Variants in RNF150 observed in about 807,000 individuals in gnomAD.
RNF150 encodes ring finger protein 150.
A neutral mutation model predicts 39.3 loss-of-function variants in RNF150; 24 were observed. The ratio of observed to expected loss-of-function variants is 0.61; its 90% CI spans 0.44 to 0.86. The LOEUF is 0.86. Ranked by LOEUF, RNF150 falls within the 40% of genes least tolerant of loss-of-function variation. The pLI is 0.00. For synonymous variants in RNF150, 255 were observed against 227.3 expected, an observed-to-expected ratio of 1.12 and a Z score of -1.10; for missense variants, 502 against 587.8, an observed-to-expected ratio of 0.85 and a Z score of 1.51.
chr4:141,071,615 G>A (rs970972203), intron 1 of RNF150, among the ~76,000 whole-genome samples: 36 of 152,190 alleles, frequency 2.4e-4, no homozygotes, highest in Non-Finnish European at 1.6e-4. Flanking sequence ...ATCTAAATAC[G>A]TGGTTTCTGA....
intron 1 of RNF150, among the ~76,000 whole-genome samples, chr4:141,194,954 T>C (rs1728174997): frequency 6.6e-6 from 1 of 152,100 alleles, no homozygotes; most frequent in Admixed American, 6.6e-5. Flanking sequence ...CATGTAAAAG[T>C]TTACAGCACT....
chr4:140,880,010 C>T (rs753477268), intron 6 of RNF150, among the ~76,000 whole-genome samples: 18 of 151,980 alleles, frequency 1.2e-4, no homozygotes, highest in Non-Finnish European at 2.6e-4. Flanking sequence ...TTCCTAATTG[C>T]TCTGACTAGG....
chr4:140,990,910 C>T (rs1203058231), intron 1 of RNF150, among the ~76,000 whole-genome samples: 1 of 152,152 alleles, frequency 6.6e-6, no homozygotes, highest in East Asian at 1.9e-4. Context: ...GGAATCACCA[C>T]ACCGTCTTTC....
intron 1 of RNF150, among the ~76,000 whole-genome samples, chr4:141,104,672 T>C (rs1739138014): frequency 6.6e-6 from 1 of 152,224 alleles, no homozygotes; most frequent in African/African-American, 2.4e-5. Context: ...GGTTGCCATA[T>C]TTAGAGGAGG....
chr4:140,874,597 G>A (rs1296915262), intron 6 of RNF150, among the ~76,000 whole-genome samples: 1 of 152,090 alleles, frequency 6.6e-6, no homozygotes, highest in African/African-American at 2.4e-5. Context: ...TCGCTCTCTC[G>A]CCCAGGCTGG....
chr4:141,156,125 T>A (rs1177860036), intron 1 of RNF150, among the ~76,000 whole-genome samples: 1 of 151,844 alleles, frequency 6.6e-6, no homozygotes, highest in Admixed American at 6.6e-5. Context: ...AACATGGACC[T>A]TCCATCCCAT....
chr4:141,121,833 A>T (rs4956515), intron 1 of RNF150, among the ~76,000 whole-genome samples: 1 of 151,976 alleles, frequency 6.6e-6, no homozygotes, highest in South Asian at 2.1e-4. Context: ...TTCCTTAAAT[A>T]ATTAATAAAG....
intron 6 of RNF150, among the ~76,000 whole-genome samples, chr4:140,891,011 C>T (rs1266536581): frequency 1.3e-5 from 2 of 152,156 alleles, no homozygotes; most frequent in African/African-American, 2.4e-5. Flanking sequence ...TCACTGATCT[C>T]ACTAAAGGTT....
chr4:141,200,706 T>C (rs952653322), intron 1 of RNF150, among the ~76,000 whole-genome samples: 1 of 152,090 alleles, frequency 6.6e-6, no homozygotes, highest in African/African-American at 2.4e-5. Context: ...CAGGCTCTTC[T>C]GCAAAAAAAT....
intron 1 of RNF150, among the ~76,000 whole-genome samples, chr4:140,992,652 C>G (rs990193963): frequency 1.3e-5 from 2 of 152,110 alleles, no homozygotes; most frequent in Admixed American, 6.6e-5. Flanking sequence ...ACAAGGCTTT[C>G]TAACCCTGGC....
intron 4 of RNF150, among the ~76,000 whole-genome samples, chr4:140,933,590 G>A (rs927826975): frequency 6.6e-6 from 1 of 152,186 alleles, no homozygotes; most frequent in Non-Finnish European, 1.5e-5. Flanking sequence ...ATATGTATGG[G>A]TTGAAATGTA....
At chr4:141,002,379 A>T (rs1480878331) in intron 1 of RNF150, among the ~76,000 whole-genome samples, 1 of 152,126 alleles carries the variant, frequency 6.6e-6, no homozygotes, top group Non-Finnish European at 1.5e-5. Context: ...CAGATCTATG[A>T]TGTCAACCCT....
At chr4:141,175,152 G>A (rs1463240513) in intron 1 of RNF150, among the ~76,000 whole-genome samples, 3 of 152,152 alleles carry the variant, frequency 2.0e-5, no homozygotes, top group South Asian at 4.1e-4. Context: ...ACGAACAAAC[G>A]GGAGTCTTCA....
intron 1 of RNF150, among the ~76,000 whole-genome samples, chr4:140,971,585 T>C (rs1337353482): frequency 6.6e-6 from 1 of 152,146 alleles, no homozygotes; most frequent in Non-Finnish European, 1.5e-5. Context: ...GGAAAAGCTC[T>C]ACAGTCAGGG....
At chr4:140,919,862 G>C (rs1156301357) in intron 5 of RNF150, among the ~76,000 whole-genome samples, 1 of 152,098 alleles carries the variant, frequency 6.6e-6, no homozygotes, top group African/African-American at 2.4e-5. Context: ...GAACAGAACA[G>C]AGCCCTCAGA....
chr4:140,907,795 C>T (rs1730444917), intron 6 of RNF150, among the ~76,000 whole-genome samples: 1 of 152,148 alleles, frequency 6.6e-6, no homozygotes, highest in African/African-American at 2.4e-5. Context: ...GGATCAGTGA[C>T]ATTGGACAGT....
intron 4 of RNF150, among the ~76,000 whole-genome samples, chr4:140,928,337 G>A (rs538480218): frequency 6.6e-6 from 1 of 151,638 alleles, no homozygotes; most frequent in African/African-American, 2.4e-5. Flanking sequence ...TGACGAAGCT[G>A]AAACCTAAGG....
At chr4:141,164,611 C>T (rs1484474100) in intron 1 of RNF150, among the ~76,000 whole-genome samples, 4 of 152,264 alleles carry the variant, frequency 2.6e-5, no homozygotes, top group African/African-American at 9.6e-5. Context: ...ATCTCTGAGC[C>T]AGAAACCCTA....
At chr4:141,035,256 G>A (rs1245111365) in intron 1 of RNF150, among the ~76,000 whole-genome samples, 2 of 152,140 alleles carry the variant, frequency 1.3e-5, no homozygotes, top group East Asian at 3.9e-4. Flanking sequence ...AGGAATGCAT[G>A]AAGTTACATT....
Sources: gnomAD v4.1 joint callset for allele counts (sites outside exome capture counted in the v4.1 genomes callset) on GRCh38, gnomAD v4.1.1 for gene constraint, MANE v1.5 for transcripts, NCBI Gene and HGNC (gene_info 2026-07-23, HGNC 2026-07-21) for gene names.